The following AKT1 variants were observed in gnomAD, a reference collection of about 807,000 sequenced individuals.
The protein encoded by AKT1 is RAC-alpha serine/threonine-protein kinase.
Under a neutral mutation model 63.1 loss-of-function variants are expected in AKT1, and 21 were observed. The ratio of observed to expected loss-of-function variants is 0.33; its 90% CI spans 0.24 to 0.48. AKT1 has a LOEUF of 0.48. AKT1 is among the 20% of genes least tolerant of loss of function. The pLI, the probability that AKT1 is intolerant of heterozygous loss-of-function variation, is 0.99. For synonymous variants in AKT1, 257 were observed against 253.1 expected (o/e 1.02, Z -0.15); for missense variants, 382 against 666.0 (o/e 0.57, Z 4.69).
intron 5 of AKT1, chr14:104,776,104 T>C (rs569143129): frequency 1.0e-4 from 22 of 213,522 alleles, no homozygotes; most frequent in Middle Eastern, 1.3e-3. Flanking sequence ...GGACTCCGCC[T>C]CCCAAGCAGG....
At chr14:104,793,000 C>CCTG (rs1199029378) in intron 2 of AKT1, 127 bp downstream of exon 2, 1 of 419,196 alleles carries the variant, frequency 2.4e-6, no homozygotes, top group Non-Finnish European at 4.4e-6. Context: ...GCCTCCAGCC[C>CCTG]CTGCCACCAC....
chr14:104,791,080 G>A (rs1445576219), intron 3 of AKT1, among the ~76,000 whole-genome samples: 1 of 152,172 alleles, frequency 6.6e-6, no homozygotes, highest in Non-Finnish European at 1.5e-5. Context: ...GGCCCAGCTG[G>A]CTGATGGGTG....
chr14:104,781,511 C>T (rs1348710253), intron 3 of AKT1, among the ~76,000 whole-genome samples: 1 of 152,194 alleles, frequency 6.6e-6, no homozygotes, highest in Non-Finnish European at 1.5e-5. Context: ...AGCAGGCATT[C>T]TACTTTCCAG....
At chr14:104,770,871 A>G (rs1892346316) in intron 13 of AKT1, 24 bp from the exon 14 acceptor site, 1 of 1,607,292 alleles carries the variant, frequency 6.2e-7, no homozygotes, top group Non-Finnish European at 8.5e-7. Flanking sequence ...CAGACGGGAC[A>G]GTCATGAGCT....
At chr14:104,785,244 C>A (rs1009157635) in intron 3 of AKT1, among the ~76,000 whole-genome samples, 1 of 152,162 alleles carries the variant, frequency 6.6e-6, no homozygotes. Context: ...CAGCTCACCG[C>A]GAAGGGCCCG....
chr14:104,785,683 T>C (rs985613209), intron 3 of AKT1, among the ~76,000 whole-genome samples: 1 of 152,202 alleles, frequency 6.6e-6, no homozygotes, highest in Admixed American at 6.5e-5. Context: ...CCCCAGGTCC[T>C]GCCGCCAAGG....
intron 4 of AKT1, chr14:104,777,281 C>T (rs1198173425): frequency 4.9e-6 from 1 of 202,084 alleles, no homozygotes; most frequent in Non-Finnish European, 1.0e-5. Flanking sequence ...ACACCTGGGG[C>T]ACAGCCACAC....
At position 104,770,434 on chromosome 14, in the gene AKT1, C is replaced by T. The variant is rs1333238918; in HGVS notation, c.1364-14G>A. 6.3e-7 allele frequency: 1 copy of T among 1,574,946 alleles called. No individual in the cohort carries two copies. The highest frequency in any genetic ancestry group is 8.6e-7 in the Non-Finnish European group (1 of 1,159,892). On this transcript the variant is annotated splice_polypyrimidine_tract_variant and intron_variant, in intron 14 of 14. Transcript: ENST00000649815. ...CCATGCTGTCATCTGTGGGTGTAGA[C>T]AGCTCAGACCCCGGTGCCCCACCTC...
rs2140906512 is a variant in AKT1, at chr14:104,773,467, G to C, written c.816C>G (p.Tyr272Ter). 1 of 1,613,966 alleles carries C rather than the reference G, an allele frequency of 6.2e-7. No individual in the cohort carries two copies. Among genetic ancestry groups the C allele is most frequent in the Non-Finnish European group, 8.5e-7 (1 of 1,179,902 alleles). The part of the protein sequence containing the change: ...DYLHSEKNVV[Y>*]RDLKLENLML... The stretch of plus-strand genomic sequence containing the variant: ...CCCGCCAGCGCACCTTGAGGTCCCG[G>C]TACACCACGTTCTTCTCCGAGTGCA... The change falls in exon 10 of 15, where the codon TAC (tyrosine) becomes TAG (stop). Residue 272 changes from tyrosine (Y) to a stop codon, truncating the protein, a stop_gained. Coordinates refer to ENST00000649815, the MANE Select transcript of AKT1 (RefSeq NM_001382430.1). LOFTEE classifies it high-confidence loss of function.
At chr14:104,776,556 G>A (rs978338926) in intron 5 of AKT1, 103 bp downstream of exon 5, 2 of 983,174 alleles carry the variant, frequency 2.0e-6, no homozygotes, top group Admixed American at 2.3e-5. Flanking sequence ...ACTGGGGAGT[G>A]AGGATGGCTA....
In AKT1 at chr14:104,786,007, C is replaced by T. The variant is rs1168817234; in HGVS notation, c.47-5791G>A. The stretch of plus-strand genomic sequence containing the variant: ...CTCCCCCACAGGCACTGCCCGTCAC[C>T]CACCCCTCGGGCCGGCAAAGGCACC... On this transcript the variant is annotated intron_variant, in intron 3 of 14. Transcript: ENST00000649815. Among the ~76,000 whole-genome samples, 3 of 152,236 alleles carry T rather than the reference C, an allele frequency of 2.0e-5. No homozygotes were observed. The East Asian group carries it at 5.8e-4, about 29-fold the overall frequency.
At chr14:104,774,827 G>C in intron 8 of AKT1, 111 bp downstream of exon 8, 1 of 1,209,348 alleles carries the variant, frequency 8.3e-7, no homozygotes, top group Non-Finnish European at 1.2e-6. Context: ...CGGAGTCCAC[G>C]GTGTGTAAAG....
chr14:104,779,336 G>C (rs1379860504), intron 4 of AKT1, among the ~76,000 whole-genome samples: 1 of 152,232 alleles, frequency 6.6e-6, no homozygotes, highest in Non-Finnish European at 1.5e-5. Flanking sequence ...GCTCTGCCAT[G>C]GGGTCTGGAG....
intron 3 of AKT1, among the ~76,000 whole-genome samples, chr14:104,788,975 G>A (rs998755907): frequency 3.3e-5 from 5 of 152,326 alleles, no homozygotes; most frequent in African/African-American, 1.2e-4. Flanking sequence ...CCAGATCCGT[G>A]GCTTGGACAC....
At position 104,769,849 on chromosome 14, in the gene AKT1, C is replaced by A; in HGVS notation, c.*492G>T. The A allele has an allele frequency of 2.6e-6, 1 of 384,776 alleles. No individual in the cohort carries two copies. Among genetic ancestry groups the A allele is most frequent in the Non-Finnish European group, 4.8e-6 (1 of 206,546 alleles). The allele number at this position is 384,776 out of a possible 1,614,324, so 23.8% of individuals were successfully genotyped here. ...CTTAGTGCTGGGGGGCTGCTGTGTG[C>A]CTGCCACCCCCAGGAGAGGGTGCTG... On this transcript the variant is annotated 3_prime_UTR_variant, in exon 15 of 15. Coordinates refer to ENST00000649815, the MANE Select transcript of AKT1 (RefSeq NM_001382430.1).
At position 104,772,373 on chromosome 14, in the gene AKT1, C is replaced by T. The variant is rs764863282; in HGVS notation, c.1252G>A (p.Glu418Lys). Residue 418 changes from glutamate to lysine, a missense_variant, in exon 13 of 15, where the codon GAG (glutamate) becomes AAG (lysine). Coordinates refer to ENST00000649815, the MANE Select transcript of AKT1 (RefSeq NM_001382430.1). ...FAGIVWQHVY[E>K]KKLSPPFKPQ... ...GCGGGGAGCAGCCGCACCTTCTTCT[C>T]GTACACGTGCTGCCACACGATACCG... The T allele has an allele frequency of 3.1e-6, 5 of 1,613,736 alleles. No homozygotes were observed. Among genetic ancestry groups the T allele is most frequent in the South Asian group, 2.2e-5 (2 of 91,092 alleles).
chr14:104,773,635 C>T (rs556745881), intron 9 of AKT1, 55 bp from the exon 10 acceptor site: 1 of 1,561,186 alleles, frequency 6.4e-7, no homozygotes, highest in Non-Finnish European at 8.7e-7. Flanking sequence ...GCCCCCATGG[C>T]CTGCAGGGCT....
At chr14:104,775,599 C>A in intron 6 of AKT1, 53 bp downstream of exon 6, 2 of 1,594,410 alleles carry the variant, frequency 1.3e-6, no homozygotes, top group Non-Finnish European at 1.7e-6. Context: ...CCACCCAGCC[C>A]TCCACAGTCC....
At chr14:104,788,544 C>A (rs1595260696) in intron 3 of AKT1, among the ~76,000 whole-genome samples, 1 of 152,224 alleles carries the variant, frequency 6.6e-6, no homozygotes, top group Admixed American at 6.5e-5. Context: ...AGGTCCCCCA[C>A]CTCACGCAGG....
Sources: gnomAD v4.1 joint callset for allele counts (sites outside exome capture counted in the v4.1 genomes callset) on GRCh38, gnomAD v4.1.1 for gene constraint, MANE v1.5 for transcripts, NCBI Gene and HGNC (gene_info 2026-07-23, HGNC 2026-07-21) for gene names.